The following BAZ1A variants were observed in gnomAD, a reference collection of about 807,000 sequenced individuals.
BAZ1A encodes bromodomain adjacent to zinc finger domain 1A, also known as bromodomain adjacent to zinc finger domain protein 1A.
In BAZ1A, 50 loss-of-function variants were observed where a neutral mutation model predicts 185.2. The ratio of observed to expected loss-of-function variants is 0.27; its 90% confidence interval spans 0.22 to 0.34. The LOEUF (loss-of-function observed/expected upper bound fraction) is 0.34. Ranked by LOEUF, BAZ1A falls within the 10% of genes least tolerant of loss-of-function variation. BAZ1A has a pLI of 1.00. For synonymous variants in BAZ1A, 571 were observed against 615.6 expected, an observed-to-expected ratio of 0.93 and a Z score of 1.07; for missense variants, 1,356 against 1,839.9, an observed-to-expected ratio of 0.74 and a Z score of 4.81.
intron 18 of BAZ1A, among the ~76,000 whole-genome samples, chr14:34,775,423 A>C (rs1388892540): frequency 6.6e-6 from 1 of 152,212 alleles, no homozygotes; most frequent in Non-Finnish European, 1.5e-5. Context: ...CACATCTAAA[A>C]ATGCCTTACT....
intron 4 of BAZ1A, among the ~76,000 whole-genome samples, chr14:34,818,272 T>C (rs1425557062): frequency 1.3e-5 from 2 of 152,104 alleles, no homozygotes; most frequent in Admixed American, 6.6e-5. Context: ...ATACAAAATA[T>C]CTAGAATAGA....
chr14:34,754,426 A>AG (rs1555336278), intron 26 of BAZ1A, among the ~76,000 whole-genome samples: 2 of 122,914 alleles, frequency 1.6e-5, no homozygotes, highest in South Asian at 2.5e-4. Flanking sequence ...TCAAAAAAAA[A>AG]AAAAAAGAAA....
intron 3 of BAZ1A, chr14:34,845,250 T>C: frequency 6.6e-6 from 1 of 150,704 alleles, no homozygotes; most frequent in East Asian, 1.9e-4. Flanking sequence ...ACACGTGTTA[T>C]TTCTCTTAAT....
intron 20 of BAZ1A, among the ~76,000 whole-genome samples, chr14:34,772,161 G>A (rs1879269441): frequency 6.6e-6 from 1 of 151,952 alleles, no homozygotes; most frequent in South Asian, 2.1e-4. Flanking sequence ...TCACTATGTT[G>A]GCCAGGCTGG....
At chr14:34,779,438 T>A (rs1200784175) in intron 17 of BAZ1A, among the ~76,000 whole-genome samples, 1 of 152,162 alleles carries the variant, frequency 6.6e-6, no homozygotes, top group Non-Finnish European at 1.5e-5. Flanking sequence ...TTTTAAAAGC[T>A]CTGATCATAT....
chr14:34,780,478 A>T (rs564673668), intron 16 of BAZ1A, among the ~76,000 whole-genome samples, 168 bp from the exon 17 acceptor site: 15 of 152,332 alleles, frequency 9.8e-5, no homozygotes, highest in African/African-American at 2.9e-4. Context: ...CAAATCATTT[A>T]AAAAATATGT....
chr14:34,802,518 A>G (rs1356613694), intron 7 of BAZ1A, among the ~76,000 whole-genome samples: 7 of 152,116 alleles, frequency 4.6e-5, no homozygotes, highest in African/African-American at 1.4e-4. Context: ...AAAGCCCCCT[A>G]TAGCTTCTTC....
At position 34,771,557 on chromosome 14, in the gene BAZ1A, A is replaced by C. The variant is rs1368576527; in HGVS notation, c.3255T>G (p.Phe1085Leu). Residue 1085 changes from phenylalanine (F) to leucine (L), a missense_variant, in exon 21 of 27, where the codon TTT becomes TTG. By Grantham distance (22) the Phe-to-Leu change is conservative (BLOSUM62 0). Coordinates refer to ENST00000360310, the MANE Select transcript of BAZ1A (RefSeq NM_013448.3). The stretch of plus-strand genomic sequence containing the variant: ...GCCGCTCAATGCCCTGCTCTATTTG[A>C]AAGAGTGCCATTGCCAGATAATGAA... ...SVVHYLAMALFQIEQGIERRF... is the reference protein window; with the variant it reads ...SVVHYLAMALLQIEQGIERRF... The C allele has an allele frequency of 2.7e-5, 43 of 1,613,994 alleles. No individual in the cohort carries two copies. Among genetic ancestry groups the C allele is most frequent in the Non-Finnish European group, 3.6e-5 (42 of 1,180,026 alleles).
At position 34,874,382 on chromosome 14, in the gene BAZ1A, T is replaced by G; in HGVS notation, c.113+110A>C. On this transcript the variant is annotated intron_variant, in intron 2 of 26. Transcript: ENST00000360310. This position sits in a 1 kb window ranked among gnomAD's most constrained non-coding sequence, Gnocchi z 4.7. Reference sequence around the variant, plus strand: ...GCGGGCCCGGGGGCCACCCGTCACTTTCAAGTCGCCCCGCCAGAAGCCCAG... The same window carrying G: ...GCGGGCCCGGGGGCCACCCGTCACTGTCAAGTCGCCCCGCCAGAAGCCCAG... The G allele has an allele frequency of 1.8e-6, 2 of 1,114,960 alleles. No homozygotes were observed. The highest frequency in any genetic ancestry group is 2.6e-6 in the Non-Finnish European group (2 of 758,910). The allele number at this position is 1,114,960 out of a possible 1,614,324, so 69.1% of individuals were successfully genotyped here.
chr14:34,863,012 G>A (rs1219883335), intron 2 of BAZ1A, among the ~76,000 whole-genome samples: 4 of 139,058 alleles, frequency 2.9e-5, no homozygotes, highest in East Asian at 2.1e-4. Flanking sequence ...TTTTTGAGAC[G>A]GAGTCTCACT....
chr14:34,845,874 A>G (rs1186308358), intron 3 of BAZ1A, among the ~76,000 whole-genome samples: 2 of 151,470 alleles, frequency 1.3e-5, no homozygotes, highest in Admixed American at 1.3e-4. Flanking sequence ...AAAAAAAAAA[A>G]AAAAAGAAAA....
At chr14:34,843,639 A>G (rs895015681) in intron 3 of BAZ1A, among the ~76,000 whole-genome samples, 11 of 152,212 alleles carry the variant, frequency 7.2e-5, no homozygotes, top group Non-Finnish European at 1.5e-5. Context: ...GTGGTTTGTT[A>G]TACAGCAAAG....
At position 34,783,101 on chromosome 14, in the gene BAZ1A, G is replaced by T; in HGVS notation, c.2111+18C>A. 1 of 1,511,888 alleles carries T rather than the reference G, an allele frequency of 6.6e-7. No individual in the cohort carries two copies. Among genetic ancestry groups the T allele is most frequent in the Non-Finnish European group, 9.2e-7 (1 of 1,090,866 alleles). 93.7% of individuals were successfully genotyped at this position (1,511,888 alleles called of 1,614,324 possible). A position where few individuals can be genotyped will look rare whatever the true frequency, so the allele number is the denominator to read the frequency against. ...TTATGTATGGTAAAGCAGATGAACA[G>T]TGTGATTCAAACCATACCCAATAGA... On this transcript the variant is annotated intron_variant, in intron 16 of 26. Coordinates refer to ENST00000360310, the MANE Select transcript of BAZ1A (RefSeq NM_013448.3).
intron 3 of BAZ1A, among the ~76,000 whole-genome samples, chr14:34,844,212 A>G (rs1293080012): frequency 3.4e-5 from 1 of 29,326 alleles, no homozygotes; most frequent in Non-Finnish European, 9.1e-5. Flanking sequence ...TCTCAAAAAA[A>G]AAAAAAAAAA....
At chr14:34,817,708 A>G (rs186008813) in intron 4 of BAZ1A, among the ~76,000 whole-genome samples, 19 of 152,250 alleles carry the variant, frequency 1.2e-4, no homozygotes, top group African/African-American at 4.3e-4. Context: ...CTGCAAAAAA[A>G]TATACAAATG....
chr14:34,858,714 A>G (rs897066230), intron 3 of BAZ1A, among the ~76,000 whole-genome samples: 6 of 151,996 alleles, frequency 3.9e-5, no homozygotes, highest in Admixed American at 3.9e-4. Flanking sequence ...AATAATTAAA[A>G]GTTGGGGCGA....
chr14:34,762,342 A>T, intron 23 of BAZ1A, 119 bp from the exon 24 acceptor site: 3 of 894,892 alleles, frequency 3.4e-6, no homozygotes, highest in Non-Finnish European at 5.0e-6. Context: ...TATAACTGAG[A>T]CTTATCCTAG....
rs1039962838 is a variant in BAZ1A at position 34,771,504 on chromosome 14, T to C, written c.3301+7A>G. On this transcript the variant is annotated splice_region_variant and intron_variant, in intron 21 of 26. Coordinates refer to ENST00000360310, the MANE Select transcript of BAZ1A (RefSeq NM_013448.3). Reference sequence around the variant, plus strand: ...ACTAATATTTTGAAATAAAAACAGATACTTACCAAGTGGAGCTTTCAGAAA... The same window carrying C: ...ACTAATATTTTGAAATAAAAACAGACACTTACCAAGTGGAGCTTTCAGAAA... 2.5e-6 allele frequency: 4 copies of C among 1,602,740 alleles called. No homozygotes were observed. Among genetic ancestry groups the C allele is most frequent in the Middle Eastern group, 1.7e-4 (1 of 6,036 alleles).
intron 17 of BAZ1A, among the ~76,000 whole-genome samples, chr14:34,777,634 ACT>A (rs1459865040): frequency 7.7e-6 from 1 of 129,484 alleles, no homozygotes; most frequent in Non-Finnish European, 1.6e-5. Context: ...ATAGAGTGAG[ACT>A]CTGTCTCCAA....
Sources: allele counts gnomAD v4.1 joint callset (sites outside exome capture counted in the v4.1 genomes callset), GRCh38; gene constraint gnomAD v4.1.1; non-coding constraint Gnocchi (gnomAD v3.1); transcripts MANE v1.5; gene names NCBI Gene and HGNC (gene_info 2026-07-23, HGNC 2026-07-21).